KMT2E: variants seen among roughly 807,000 people sequenced by gnomAD.
KMT2E encodes lysine methyltransferase 2E (inactive).
A neutral mutation model predicts 184.6 loss-of-function variants in KMT2E; 30 were observed. The observed-to-expected ratio is 0.16, with a 90% CI of 0.12 to 0.22. The LOEUF (loss-of-function observed/expected upper bound fraction) is 0.22. Ranked by LOEUF, KMT2E falls within the 10% of genes least tolerant of loss-of-function variation. The pLI, the probability that KMT2E is intolerant of heterozygous loss-of-function variation, is 1.00. For synonymous variants in KMT2E, 815 were observed against 776.5 expected (o/e 1.05, Z -0.82); for missense variants, 2,023 against 2,237.4 (o/e 0.90, Z 1.93).
At chr7:105,059,978 GTTTTTTTTTTTTTTTTTTT>G (rs67291226) in intron 3 of KMT2E, among the ~76,000 whole-genome samples, 6 of 51,796 alleles carry the variant, frequency 1.2e-4, no homozygotes, top group South Asian at 1.1e-3. Context: ...TCTTGTTGTT[GTTTTTTTTTTTTTTTTTTT>G]TTTTTTTTTT....
At position 105,109,248 on chromosome 7, in the gene KMT2E, T is replaced by C; in HGVS notation, c.3755+20T>C. 1 of 1,605,060 alleles carries C rather than the reference T, an allele frequency of 6.2e-7. No homozygotes were observed. The highest frequency in any genetic ancestry group is 8.5e-7 in the Non-Finnish European group (1 of 1,173,932). ...TCAATGGTAAGCCCATTGTGAAGTA[T>C]GCTACTCTGGAAAAAACAAGCTTTT... On this transcript the variant is annotated intron_variant, in intron 23 of 26. Transcript: ENST00000311117.
rs765506612 is a variant in KMT2E at position 105,110,485 on chromosome 7, T to G, written c.3853T>G (p.Ser1285Ala). 5.6e-6 allele frequency: 9 copies of G among 1,614,174 alleles called. No individual in the cohort carries two copies. The East Asian group carries it at 1.8e-4, about 32-fold the overall frequency. ...HRKDKDSGGE[S>A]PCVSCSPSHV... ...CTCTGCTTCATCTCTAGGGGGAGAA[T>G]CACCATGTGTCTCATGTTCACCGAG... The change falls in exon 25 of 27, where the codon TCA (serine) becomes GCA (alanine). Residue 1285 changes from serine to alanine, a missense_variant. Physicochemically the swap from Ser to Ala is moderately conservative, Grantham distance 99. Transcript: ENST00000311117.
intron 13 of KMT2E, among the ~76,000 whole-genome samples, chr7:105,087,673 C>T (rs939959652): frequency 6.6e-6 from 1 of 152,048 alleles, no homozygotes; most frequent in African/African-American, 2.4e-5. Flanking sequence ...ATCCACCTGC[C>T]TCGGCCTCCC....
At chr7:105,097,989 A>T (rs965316859) in intron 15 of KMT2E, among the ~76,000 whole-genome samples, 1 of 152,184 alleles carries the variant, frequency 6.6e-6, no homozygotes, top group African/African-American at 2.4e-5. Flanking sequence ...AAAGAGTGCC[A>T]TGAGTATAAA....
intron 1 of KMT2E, among the ~76,000 whole-genome samples, chr7:105,018,119 G>A (rs981040512): frequency 1.7e-4 from 26 of 152,080 alleles, no homozygotes; most frequent in African/African-American, 6.3e-4. Flanking sequence ...CAAGAATAAT[G>A]TACTCGTTTT....
intron 3 of KMT2E, among the ~76,000 whole-genome samples, chr7:105,055,501 C>T (rs1299382647): frequency 6.6e-6 from 1 of 152,154 alleles, no homozygotes; most frequent in Non-Finnish European, 1.5e-5. Context: ...CTTTTTCAGT[C>T]TGTTCTTCGT....
chr7:105,016,100 A>G (rs1440454542), intron 1 of KMT2E, among the ~76,000 whole-genome samples: 3 of 152,232 alleles, frequency 2.0e-5, no homozygotes, highest in Non-Finnish European at 2.9e-5. Flanking sequence ...ATATGATTAA[A>G]TGTTTCAATC....
At position 105,090,241 on chromosome 7, in the gene KMT2E, T is replaced by G. The variant is rs747818333; in HGVS notation, c.1591T>G (p.Ser531Ala). 3 of 1,602,912 alleles carry G rather than the reference T, an allele frequency of 1.9e-6. No homozygotes were observed. The highest frequency in any genetic ancestry group is 2.5e-6 in the Non-Finnish European group (3 of 1,177,418). ...CCCAGAAACTAAACAAAGAAAGCTT[T>G]CTCCACTGAGACTATCAGTATCAAA... ...KSPETKQRKL[S>A]PLRLSVSNNQ... The change falls in exon 14 of 27, where the codon TCT becomes GCT. Residue 531 changes from serine to alanine, a missense_variant. By Grantham distance (99) the Ser-to-Ala change is moderately conservative (BLOSUM62 1). Coordinates refer to ENST00000311117, the MANE Select transcript of KMT2E (RefSeq NM_182931.3).
At chr7:105,061,996 CAT>C (rs1170760075) in intron 3 of KMT2E, 166 bp from the exon 4 acceptor site, 1 of 444,732 alleles carries the variant, frequency 2.2e-6, no homozygotes, top group Admixed American at 3.9e-5. Context: ...GCTTATGACA[CAT>C]AATCTAGATG....
chr7:105,106,838 CT>C, intron 20 of KMT2E, 66 bp downstream of exon 20: 4 of 1,477,984 alleles, frequency 2.7e-6, no homozygotes, highest in Non-Finnish European at 3.7e-6. Context: ...TTTAAGAGCT[CT>C]TTCCCCTCCT....
chr7:105,111,861 C>T lies in KMT2E; in HGVS notation c.4105C>T (p.His1369Tyr), dbSNP rs1189820864. The T allele has an allele frequency of 3.1e-6, 5 of 1,613,816 alleles. No individual in the cohort carries two copies. The highest frequency in any genetic ancestry group is 1.7e-5 in the Admixed American group (1 of 59,962). ...TGGATCTGTAATTCCTGCTCAAGCA[C>T]ACGGGAAAATATTCACAAAACCAGA... ...SPGSVIPAQA[H>Y]GKIFTKPDPQ... is the part of the protein sequence containing the mutation. The change falls in exon 27 of 27, where the codon CAC (histidine) becomes TAC (tyrosine). Residue 1369 changes from histidine to tyrosine, a missense_variant. This residue lies in a region of KMT2E where 1,108 missense variants were observed against 1,050.9 expected (regional missense o/e 1.05). Coordinates refer to ENST00000311117, the MANE Select transcript of KMT2E (RefSeq NM_182931.3).
chr7:105,063,479 A>G lies in KMT2E; in HGVS notation c.315A>G (p.Thr105=), dbSNP rs770406555. 2 of 1,613,710 alleles carry G rather than the reference A, an allele frequency of 1.2e-6. No individual in the cohort carries two copies. Among genetic ancestry groups the G allele is most frequent in the African/African-American group, 1.3e-5 (1 of 75,056 alleles). The change falls in exon 5 of 27, where the codon ACA becomes ACG. Residue 105 remains threonine (T), a synonymous_variant. Transcript: ENST00000311117. ...PNFDETSSAT[T]ISTSEDGSYG... ...TTGATGAAACTTCCAGTGCTACTAC[A>G]ATCAGCACATCTGAGGATGGAAGTT...
chr7:105,096,495 G>C (rs1562924735), intron 15 of KMT2E, among the ~76,000 whole-genome samples: 1 of 152,098 alleles, frequency 6.6e-6, no homozygotes, highest in East Asian at 1.9e-4. Context: ...CGGTGAAAGG[G>C]TATGACAAGG....
chr7:105,025,333 A>T (rs1411042771), intron 1 of KMT2E, among the ~76,000 whole-genome samples: 1 of 152,204 alleles, frequency 6.6e-6, no homozygotes, highest in African/African-American at 2.4e-5. Context: ...TTGAGAATTC[A>T]GTAAGTTAAT....
chr7:105,092,247 C>T (rs541532759), intron 15 of KMT2E, among the ~76,000 whole-genome samples: 6 of 152,288 alleles, frequency 3.9e-5, no homozygotes, highest in African/African-American at 1.2e-4. Context: ...AAAACCACGT[C>T]TCTACTAAAA....
intron 7 of KMT2E, among the ~76,000 whole-genome samples, chr7:105,074,262 T>C (rs1211225262): frequency 6.6e-6 from 1 of 152,220 alleles, no homozygotes; most frequent in Non-Finnish European, 1.5e-5. Flanking sequence ...TTTTGTACTT[T>C]TGCTGTTTTA....
Position 105,040,976 on chromosome 7 carries a change from G to A in KMT2E, c.24G>A (p.Gly8=), listed in dbSNP as rs770834323. ...TCATGAGCATAGTGATCCCATTGGG[G>A]GTTGATACAGCAGAGACGTCATACT... MSIVIPL[G]VDTAETSYLE... The change falls in exon 3 of 27, where the codon GGG becomes GGA. Residue 8 remains glycine, a synonymous_variant. Transcript: ENST00000311117. 6.2e-7 allele frequency: 1 copy of A among 1,612,068 alleles called. No homozygotes were observed. The highest frequency in any genetic ancestry group is 1.1e-5 in the South Asian group (1 of 90,962).
intron 1 of KMT2E, among the ~76,000 whole-genome samples, chr7:105,020,056 C>A (rs1280570708): frequency 7.0e-6 from 1 of 143,670 alleles, no homozygotes; most frequent in African/African-American, 2.6e-5. Context: ...TGCAGTGAGC[C>A]GAGATTGTGC....
At position 105,101,392 on chromosome 7, in the gene KMT2E, T is replaced by A. The variant is rs1264526016; in HGVS notation, c.1723-33T>A. 6 of 1,434,042 alleles carry A rather than the reference T, an allele frequency of 4.2e-6. No homozygotes were observed. In the African/African-American group the frequency reaches 5.8e-5, roughly 14 times the overall value. 88.8% of individuals were successfully genotyped at this position (1,434,042 alleles called of 1,614,324 possible). ...TTAATTTTACTTTTGAGCATTGATA[T>A]TTATGATGTCACTTAAAATTTAAAT... On this transcript the variant is annotated intron_variant, in intron 15 of 26. Transcript: ENST00000311117.
Sources: allele counts gnomAD v4.1 joint callset (sites outside exome capture counted in the v4.1 genomes callset), GRCh38; gene constraint gnomAD v4.1.1; regional missense constraint gnomAD v4.1.1; transcripts MANE v1.5; gene names NCBI Gene and HGNC (gene_info 2026-07-23, HGNC 2026-07-21).